The following LSM12 variants were observed in gnomAD, a reference collection of about 807,000 sequenced individuals.
The protein encoded by LSM12 is protein LSM12.
For synonymous variants in LSM12, 74 were observed against 87.3 expected, an observed-to-expected ratio of 0.85 and a Z score of 0.85; for missense variants, 108 against 238.9, an observed-to-expected ratio of 0.45 and a Z score of 3.61.
In LSM12 at chr17:44,040,266, AAGAG is replaced by A; in HGVS notation, c.259-14_259-11del. On this transcript the variant is annotated splice_polypyrimidine_tract_variant and intron_variant, in intron 2 of 4. Transcript: ENST00000293406. ...GTGCTTTGCTGGCAAGCTAGGGTGG[AAGAG>A]AGGAAAGAGACTCAGAATAGGATTC... 6.3e-7 allele frequency: 1 copy of A among 1,592,110 alleles called. No individual in the cohort carries two copies.
chr17:44,061,593 T>G (rs977633841), intron 2 of LSM12, among the ~76,000 whole-genome samples: 1 of 152,198 alleles, frequency 6.6e-6, no homozygotes, highest in Non-Finnish European at 1.5e-5. Flanking sequence ...AGATCTGAGG[T>G]AACGACATTC....
intron 1 of LSM12, among the ~76,000 whole-genome samples, chr17:44,065,344 G>C (rs1009275950): frequency 1.3e-5 from 2 of 151,764 alleles, no homozygotes; most frequent in Admixed American, 6.6e-5. Context: ...CGGAGGCTGA[G>C]GCAGGAGAAT....
At chr17:44,040,073 C>A in intron 3 of LSM12, 74 bp downstream of exon 3, 1 of 1,168,182 alleles carries the variant, frequency 8.6e-7, no homozygotes, top group African/African-American at 1.5e-5. Flanking sequence ...GACAACCACC[C>A]AAAAGCCTGC....
At chr17:44,059,889 G>C (rs973125839) in intron 2 of LSM12, among the ~76,000 whole-genome samples, 5 of 152,196 alleles carry the variant, frequency 3.3e-5, no homozygotes, top group Non-Finnish European at 7.3e-5. Flanking sequence ...AGTAGGCCGG[G>C]TGTGGTGGCT....
chr17:44,060,380 G>A (rs1291125424), intron 2 of LSM12, among the ~76,000 whole-genome samples: 1 of 152,100 alleles, frequency 6.6e-6, no homozygotes, highest in Non-Finnish European at 1.5e-5. Flanking sequence ...GTTAATAGCT[G>A]CCCGAAATAG....
chr17:44,060,710 C>A (rs1426772029), intron 2 of LSM12, among the ~76,000 whole-genome samples: 1 of 152,172 alleles, frequency 6.6e-6, no homozygotes, highest in East Asian at 1.9e-4. Flanking sequence ...GGGTAATCAG[C>A]TAGTTTACAA....
chr17:44,066,435 G>C (rs903220921), intron 1 of LSM12, 29 bp downstream of exon 1: 2 of 1,545,834 alleles, frequency 1.3e-6, no homozygotes, highest in African/African-American at 2.8e-5. Context: ...ACGCCGGCCC[G>C]GACTCGGGCT....
intron 2 of LSM12, among the ~76,000 whole-genome samples, chr17:44,044,387 A>G (rs2144079673): frequency 6.6e-6 from 1 of 152,204 alleles, no homozygotes; most frequent in East Asian, 1.9e-4. Flanking sequence ...ATCTCCCCTA[A>G]AGTCTCCAAA....
chr17:44,054,152 T>C (rs895474755), intron 2 of LSM12, among the ~76,000 whole-genome samples: 2 of 152,212 alleles, frequency 1.3e-5, no homozygotes, highest in Non-Finnish European at 2.9e-5. Context: ...AACTAAACTC[T>C]TGGCTTAAAA....
intron 2 of LSM12, among the ~76,000 whole-genome samples, chr17:44,050,515 C>T (rs2049629172): frequency 1.4e-5 from 2 of 146,572 alleles, no homozygotes; most frequent in Admixed American, 1.4e-4. Context: ...TGTGCCTGAA[C>T]ATTTTTTTTT....
intron 2 of LSM12, among the ~76,000 whole-genome samples, chr17:44,054,307 A>G (rs1391786587): frequency 6.6e-6 from 1 of 152,078 alleles, no homozygotes; most frequent in Non-Finnish European, 1.5e-5. Context: ...CAAAAAGCCA[A>G]TGGGTTTTGT....
intron 2 of LSM12, among the ~76,000 whole-genome samples, chr17:44,052,262 A>G (rs2049654729): frequency 6.7e-6 from 1 of 150,170 alleles, no homozygotes; most frequent in South Asian, 2.1e-4. Flanking sequence ...ACAAACAACA[A>G]AAAAAAAACC....
intron 3 of LSM12, 138 bp downstream of exon 3, chr17:44,040,009 G>T: frequency 1.7e-6 from 1 of 595,828 alleles, no homozygotes; most frequent in South Asian, 2.0e-5. Context: ...TGCACCTCTG[G>T]ATGCTGGCAT....
chr17:44,042,046 T>A (rs2049501960), intron 2 of LSM12, among the ~76,000 whole-genome samples: 1 of 152,224 alleles, frequency 6.6e-6, no homozygotes, highest in Non-Finnish European at 1.5e-5. Flanking sequence ...CAGTACTTTG[T>A]GAGGCCGAGG....
Position 44,035,677 on chromosome 17 carries a change from C to CAAAAAAAAAAA in LSM12, c.*520_*530dup, listed in dbSNP as rs71160079. 4 of 58,054 alleles carry CAAAAAAAAAAA rather than the reference C, an allele frequency of 6.9e-5. No homozygotes were observed. Among genetic ancestry groups the CAAAAAAAAAAA allele is most frequent in the African/African-American group, 1.4e-4 (2 of 13,892 alleles). The allele number at this position is 58,054 out of a possible 1,614,324, so 3.6% of individuals were successfully genotyped here. Reference sequence around the variant, plus strand: ...AAACTAATTCAAGCCATGCCCTGTGCAAAAAAAAAAAAAAAAAGAAAAAAG... The same window carrying CAAAAAAAAAAA: ...AAACTAATTCAAGCCATGCCCTGTGCAAAAAAAAAAAAAAAAAAAAAAAAAAAAGAAAAAAG... On this transcript the variant is annotated 3_prime_UTR_variant, in exon 5 of 5. Transcript: ENST00000293406.
chr17:44,061,616 A>G, intron 2 of LSM12, among the ~76,000 whole-genome samples: 1 of 152,340 alleles, frequency 6.6e-6, no homozygotes, highest in South Asian at 2.1e-4. Context: ...TAGCCTCAGC[A>G]TCAGTTACCC....
chr17:44,043,164 A>C (rs898570352), intron 2 of LSM12, among the ~76,000 whole-genome samples: 3 of 152,246 alleles, frequency 2.0e-5, no homozygotes, highest in Admixed American at 1.3e-4. Flanking sequence ...TGTCTTAGGA[A>C]GGAGGAGCAG....
chr17:44,044,448 A>T (rs1378024525), intron 2 of LSM12, among the ~76,000 whole-genome samples: 2 of 152,178 alleles, frequency 1.3e-5, no homozygotes, highest in Non-Finnish European at 2.9e-5. Context: ...TAATGCAAAC[A>T]TCCCAAATGC....
At chr17:44,045,820 A>C (rs1277730691) in intron 2 of LSM12, among the ~76,000 whole-genome samples, 1 of 148,990 alleles carries the variant, frequency 6.7e-6, no homozygotes, top group Non-Finnish European at 1.5e-5. Flanking sequence ...CGATCCACCC[A>C]CCTTGGCCTC....
Sources: allele counts gnomAD v4.1 joint callset (sites outside exome capture counted in the v4.1 genomes callset), GRCh38; gene constraint gnomAD v4.1.1; transcripts MANE v1.5; gene names NCBI Gene and HGNC (gene_info 2026-07-23, HGNC 2026-07-21).